Variants in KMT2C observed in about 807,000 individuals in gnomAD.
The protein encoded by KMT2C is histone-lysine N-methyltransferase 2C.
Under a neutral mutation model 507.9 loss-of-function variants are expected in KMT2C, and 88 were observed. The observed-to-expected ratio is 0.17, with a 90% confidence interval of 0.15 to 0.21. The LOEUF is 0.21. Ranked by LOEUF, KMT2C falls within the 10% of genes least tolerant of loss-of-function variation. KMT2C has a pLI of 1.00. For synonymous variants in KMT2C, 2,049 were observed against 2,080.8 expected (o/e 0.98, Z 0.42); for missense variants, 4,954 against 5,957.8 (o/e 0.83, Z 5.55).
In KMT2C at chr7:152,252,576, T is replaced by G; in HGVS notation, c.1439A>C (p.Lys480Thr). 6.2e-7 allele frequency: 1 copy of G among 1,613,400 alleles called. No individual in the cohort carries two copies. Among genetic ancestry groups the G allele is most frequent in the Non-Finnish European group, 8.5e-7 (1 of 1,179,602 alleles). ...CGKCYHPELQ[K>T]DMLHCNMCKR... is the part of the protein sequence containing the mutation. ...GCACATATTACAATGAAGCATGTCT[T>G]TCTGCAATTCTGGATGATAACACTT... The change falls in exon 10 of 59, where the codon AAA (lysine) becomes ACA (threonine). Residue 480 changes from lysine (K) to threonine (T), a missense_variant. Around this residue, in one of 29 missense-constraint regions of KMT2C, gnomAD observed 376 missense variants for 352.4 expected, o/e 1.07. Transcript: ENST00000262189.
At chr7:152,382,516 A>G (rs2129250954) in intron 1 of KMT2C, among the ~76,000 whole-genome samples, 1 of 152,430 alleles carries the variant, frequency 6.6e-6, no homozygotes, top group African/African-American at 2.4e-5. Context: ...TAAACTTGTC[A>G]TCTCAATTTT....
intron 1 of KMT2C, among the ~76,000 whole-genome samples, chr7:152,428,170 A>G (rs1226576032): frequency 6.6e-6 from 1 of 152,200 alleles, no homozygotes; most frequent in Non-Finnish European, 1.5e-5. Flanking sequence ...GAAAACTTTC[A>G]TTTAAAAAAT....
chr7:152,221,054 G>A (rs138756559), intron 22 of KMT2C, among the ~76,000 whole-genome samples: 1,966 of 152,200 alleles, frequency 0.013, 44 homozygotes, highest in African/African-American at 0.045. Context: ...TCATGAGATC[G>A]AGACCATGCT....
At chr7:152,431,682 G>A (rs1460849236) in intron 1 of KMT2C, among the ~76,000 whole-genome samples, 1 of 151,984 alleles carries the variant, frequency 6.6e-6, no homozygotes. Context: ...CTCCTAACAG[G>A]TAAGAGAGGG....
chr7:152,202,511 G>T (rs1250065341), intron 26 of KMT2C, among the ~76,000 whole-genome samples: 1 of 152,162 alleles, frequency 6.6e-6, no homozygotes, highest in South Asian at 2.1e-4. Context: ...TCTAAAAGTG[G>T]TAACGATTAT....
At chr7:152,269,486 T>C (rs984343649) in intron 7 of KMT2C, among the ~76,000 whole-genome samples, 2 of 152,170 alleles carry the variant, frequency 1.3e-5, no homozygotes, top group Non-Finnish European at 1.5e-5. Flanking sequence ...AGAAATTAAA[T>C]ATGAATATTT....
rs757308624 is a variant in KMT2C at position 152,235,936 on chromosome 7, A to G, written c.2653-3T>C. 7.4e-5 allele frequency: 119 copies of G among 1,602,906 alleles called. No individual in the cohort carries two copies. The highest frequency in any genetic ancestry group is 9.8e-5 in the Non-Finnish European group (115 of 1,173,616). On this transcript the variant is annotated splice_polypyrimidine_tract_variant and splice_region_variant and intron_variant, in intron 15 of 58. Coordinates refer to ENST00000262189, the MANE Select transcript of KMT2C (RefSeq NM_170606.3). ...CCTGGAAATCCAGACCCACGGCCCT[A>G]TGTAACAGATTGGGAAAAGTCAACA...
intron 2 of KMT2C, among the ~76,000 whole-genome samples, chr7:152,357,129 G>A (rs1433784943): frequency 6.6e-6 from 1 of 151,530 alleles, no homozygotes; most frequent in Non-Finnish European, 1.5e-5. Context: ...GGGAGGCTGA[G>A]GCAGGGAGAA....
At chr7:152,289,087 TGAAG>T in intron 6 of KMT2C, among the ~76,000 whole-genome samples, 2 of 152,424 alleles carry the variant, frequency 1.3e-5, no homozygotes, top group South Asian at 2.1e-4. Context: ...CAGAACATCC[TGAAG>T]GAAGAAAGAA....
intron 1 of KMT2C, among the ~76,000 whole-genome samples, chr7:152,425,977 C>G (rs952682387): frequency 1.3e-5 from 2 of 152,044 alleles, no homozygotes; most frequent in African/African-American, 2.4e-5. Context: ...ATGTAAAAAT[C>G]TACTCTAACA....
chr7:152,186,967 G>C (rs1004084268), intron 33 of KMT2C, among the ~76,000 whole-genome samples: 3 of 152,084 alleles, frequency 2.0e-5, no homozygotes, highest in Admixed American at 1.3e-4. Flanking sequence ...TTGGGTTCTA[G>C]AAATTTTTTA....
chr7:152,393,761 G>A (rs2097519172), intron 1 of KMT2C, among the ~76,000 whole-genome samples: 1 of 152,152 alleles, frequency 6.6e-6, no homozygotes, highest in Non-Finnish European at 1.5e-5. Context: ...GCATGGTGGT[G>A]CATGCCTGTA....
rs148018148 is a variant in KMT2C at position 152,150,006 on chromosome 7, C to A, written c.12775-854G>T. 5.0e-3 allele frequency among the ~76,000 whole-genome samples: 754 copies of A among 152,292 alleles called. 4 individuals are homozygous for A. Among genetic ancestry groups the A allele is most frequent in the African/African-American group, 0.017 (716 of 41,550 alleles). On this transcript the variant is annotated intron_variant, in intron 51 of 58. Coordinates refer to ENST00000262189, the MANE Select transcript of KMT2C (RefSeq NM_170606.3). ...TAGCCTAGATTTTATTACAGGCATA[C>A]TACAAACAACTACCTGTTAAAAATA...
chr7:152,341,814 C>T (rs1204873526), intron 2 of KMT2C, among the ~76,000 whole-genome samples: 1 of 152,100 alleles, frequency 6.6e-6, no homozygotes, highest in Non-Finnish European at 1.5e-5. Flanking sequence ...AATAAGAATC[C>T]AGGCTTTTTC....
intron 6 of KMT2C, among the ~76,000 whole-genome samples, chr7:152,292,646 G>A (rs953307244): frequency 4.6e-5 from 7 of 152,194 alleles, no homozygotes; most frequent in South Asian, 2.1e-4. Flanking sequence ...CTGGAGGACC[G>A]AATGTGACCC....
intron 25 of KMT2C, among the ~76,000 whole-genome samples, chr7:152,204,303 A>G (rs973326305): frequency 3.3e-5 from 5 of 152,110 alleles, no homozygotes; most frequent in African/African-American, 4.8e-5. Flanking sequence ...CTCAAAAACA[A>G]AATTTTTTTT....
At chr7:152,237,272 C>A (rs1323273958) in intron 15 of KMT2C, among the ~76,000 whole-genome samples, 115 of 152,288 alleles carry the variant, frequency 7.6e-4, no homozygotes, top group African/African-American at 2.7e-3. Context: ...GTTTCCAAGT[C>A]AAAAATTTAT....
chr7:152,388,127 A>G (rs1189603815), intron 1 of KMT2C, among the ~76,000 whole-genome samples: 1 of 115,400 alleles, frequency 8.7e-6, no homozygotes, highest in African/African-American at 3.3e-5. Flanking sequence ...TAAAAATAAA[A>G]TAAAAAAATT....
rs138711726 is a variant in KMT2C at position 152,163,245 on chromosome 7, A to G, written c.10332T>C (p.Ser3444=). The change falls in exon 43 of 59, where the codon AGT becomes AGC. Residue 3444 remains serine, a synonymous_variant. Transcript: ENST00000262189. ...HGMVGSEISS[S]RTSVSQIPFY... ...AGGGAATCTGGGACACAGATGTCCT[A>G]CTACTACTTATCTCAGAGCCCACCA... The G allele has an allele frequency of 1.4e-5, 23 of 1,614,040 alleles. No homozygotes were observed. In the African/African-American group the frequency reaches 2.8e-4, roughly 20 times the overall value.
Sources: gnomAD v4.1 joint callset for allele counts (sites outside exome capture counted in the v4.1 genomes callset) on GRCh38, gnomAD v4.1.1 for gene constraint, gnomAD v4.1.1 regional missense constraint, MANE v1.5 for transcripts, NCBI Gene and HGNC (gene_info 2026-07-23, HGNC 2026-07-21) for gene names.